Variants in OR2A42 observed in about 807,000 individuals in gnomAD.
OR2A42 encodes the protein olfactory receptor 2A1/2A42.
For synonymous variants in OR2A42, 5 were observed against 46.4 expected (o/e 0.11, Z 3.63); for missense variants, 3 against 104.1 (o/e 0.03, Z 4.23).
rs183974191 is a variant in OR2A42 at position 144,230,607 on chromosome 7, A to G, written c.*1304T>C. 6.6e-6 allele frequency: 1 copy of G among 150,698 alleles called. No homozygotes were observed. The highest frequency in any genetic ancestry group is 1.9e-4 in the East Asian group (1 of 5,190). 9.3% of individuals were successfully genotyped at this position (150,698 alleles called of 1,614,324 possible). A position where few individuals can be genotyped will look rare whatever the true frequency, so the allele number is the denominator to read the frequency against. On this transcript the variant is annotated 3_prime_UTR_variant, in exon 3 of 3. Transcript: ENST00000641810. Reference sequence around the variant, plus strand: ...TAGAGATGTCTTTGTTCTGGATCTTACCACCCAGAACCAAGTATAGTTCTA... The same window carrying G: ...TAGAGATGTCTTTGTTCTGGATCTTGCCACCCAGAACCAAGTATAGTTCTA...
rs2052341843 is a variant in OR2A42, at chr7:144,229,351, T to C, written c.*2560A>G. ...AAGCTTAAGCAGTTTAAGGGACTTC[T>C]CTGCAAAAAACACAGCTAGCAAATG... On this transcript the variant is annotated 3_prime_UTR_variant, in exon 3 of 3. Coordinates refer to ENST00000641810, the MANE Select transcript of OR2A42 (RefSeq NM_001001802.3). The C allele has an allele frequency of 7.8e-6, 1 of 127,420 alleles. No homozygotes were observed. The highest frequency in any genetic ancestry group is 2.8e-5 in the African/African-American group (1 of 35,396). The allele number at this position is 127,420 out of a possible 1,614,324, so 7.9% of individuals were successfully genotyped here.
intron 2 of OR2A42, among the ~76,000 whole-genome samples, chr7:144,236,382 T>C (rs2052429807): frequency 7.2e-6 from 1 of 139,648 alleles, no homozygotes; most frequent in Non-Finnish European, 1.5e-5. Flanking sequence ...TTTGGGAGGC[T>C]GAGGCAGGAG....
rs748402146 is a variant in OR2A42, at chr7:144,236,467, CAG to C, written c.-5+1963_-5+1964del. On this transcript the variant is annotated intron_variant, in intron 2 of 2. Coordinates refer to ENST00000641810, the MANE Select transcript of OR2A42 (RefSeq NM_001001802.3). ...CCCTGTCTCAAAAAAACAAGTAAAA[CAG>C]AAACAAAAACAGTAGCTGGGCGTGG... is the stretch of plus-strand genomic sequence containing the variant. Among the ~76,000 whole-genome samples, 95 of 144,386 alleles carry C rather than the reference CAG, an allele frequency of 6.6e-4. 1 individual carries two copies. The highest frequency in any genetic ancestry group is 3.6e-3 in the Middle Eastern group (1 of 278). The allele number at this position is 144,386 out of a possible 152,430, so 94.7% of individuals were successfully genotyped here.
At chr7:144,235,432 G>C (rs1224813090) in intron 2 of OR2A42, among the ~76,000 whole-genome samples, 1 of 151,558 alleles carries the variant, frequency 6.6e-6, no homozygotes, top group Non-Finnish European at 1.5e-5. Flanking sequence ...GATTCTTTAA[G>C]GACAGTTGCC....
chr7:144,233,715 A>ACTT (rs1277883045), intron 2 of OR2A42, among the ~76,000 whole-genome samples: 1 of 76,724 alleles, frequency 1.3e-5, no homozygotes, highest in East Asian at 3.2e-4. Flanking sequence ...TGTTCTTTTT[A>ACTT]CATGTAGAAT....
chr7:144,235,263 T>C (rs1194694622), intron 2 of OR2A42, among the ~76,000 whole-genome samples: 28 of 148,928 alleles, frequency 1.9e-4, no homozygotes. Flanking sequence ...GTCTACATCT[T>C]ATAAAAAACT....
intron 2 of OR2A42, among the ~76,000 whole-genome samples, chr7:144,237,721 T>C (rs1403347983): frequency 6.7e-6 from 1 of 150,276 alleles, no homozygotes; most frequent in Non-Finnish European, 1.5e-5. Context: ...ACTAACTAGA[T>C]ATCAATTTGA....
Position 144,228,522 on chromosome 7 carries a change from C to G in OR2A42, c.*3389G>C, listed in dbSNP as rs2128818791. 1 of 120,138 alleles carries G rather than the reference C, an allele frequency of 8.3e-6. No homozygotes were observed. The highest frequency in any genetic ancestry group is 3.0e-5 in the African/African-American group (1 of 32,926). The allele number at this position is 120,138 out of a possible 1,614,324, so 7.4% of individuals were successfully genotyped here. On this transcript the variant is annotated 3_prime_UTR_variant, in exon 3 of 3. Coordinates refer to ENST00000641810, the MANE Select transcript of OR2A42 (RefSeq NM_001001802.3). The stretch of plus-strand genomic sequence containing the variant: ...TTTTTCTAAAGCATTTTATGCAGTG[C>G]CAACCACATAGTAAGTGCTCAATAA...
rs1444330341 is a variant in OR2A42, at chr7:144,229,020, GCCT to G, written c.*2888_*2890del. The G allele has an allele frequency of 6.6e-6, 1 of 151,892 alleles. No individual in the cohort carries two copies. The highest frequency in any genetic ancestry group is 1.5e-5 in the Non-Finnish European group (1 of 68,374). The allele number at this position is 151,892 out of a possible 1,614,324, so 9.4% of individuals were successfully genotyped here. On this transcript the variant is annotated 3_prime_UTR_variant, in exon 3 of 3. Transcript: ENST00000641810. ...CAGCTATGCCCTCCAAGAGTGAGTGGCCTCCTGTGCCTCTAGGGGGGACATGGG... is the reference window on the plus strand; with the variant it reads ...CAGCTATGCCCTCCAAGAGTGAGTGGCCTGTGCCTCTAGGGGGGACATGGG...
chr7:144,235,004 C>T (rs1285051931), intron 2 of OR2A42, among the ~76,000 whole-genome samples: 22 of 146,390 alleles, frequency 1.5e-4, no homozygotes, highest in Middle Eastern at 7.0e-3. Flanking sequence ...CCCTGGAATG[C>T]GGTGGTGTGA....
Position 144,238,581 on chromosome 7 carries a change from G to A in OR2A42, c.-154C>T, listed in dbSNP as rs1219067207. On this transcript the variant is annotated 5_prime_UTR_variant, in exon 2 of 3. Transcript: ENST00000641810. ...AAGAGTGAAGCACCTGAAGGTTTCT[G>A]GGAGTTTCTGTGGGAGCTGCAGAAT... 6.6e-6 allele frequency: 1 copy of A among 150,384 alleles called. No individual in the cohort carries two copies. Among genetic ancestry groups the A allele is most frequent in the Non-Finnish European group, 1.5e-5 (1 of 67,290 alleles). The allele number at this position is 150,384 out of a possible 1,614,324, so 9.3% of individuals were successfully genotyped here.
chr7:144,231,727 TA>T lies in OR2A42; in HGVS notation c.*183del. On this transcript the variant is annotated 3_prime_UTR_variant, in exon 3 of 3. Transcript: ENST00000641810. Reference sequence around the variant, plus strand: ...TTCTCAACTCAATAAGTGCTTAAATTAAAAAATGTTAAGTATAACAAATGCA... The same window carrying T: ...TTCTCAACTCAATAAGTGCTTAAATTAAAAATGTTAAGTATAACAAATGCA... 3.1e-6 allele frequency: 1 copy of T among 321,376 alleles called. No homozygotes were observed. Among genetic ancestry groups the T allele is most frequent in the South Asian group, 3.0e-5 (1 of 33,476 alleles). The allele number at this position is 321,376 out of a possible 1,614,324, so 19.9% of individuals were successfully genotyped here. A position where few individuals can be genotyped will look rare whatever the true frequency, so the allele number is the denominator to read the frequency against.
intron 2 of OR2A42, among the ~76,000 whole-genome samples, chr7:144,235,142 A>C (rs1469659854): frequency 6.8e-6 from 1 of 146,774 alleles, no homozygotes; most frequent in East Asian, 1.9e-4. Context: ...TTTTTTGTAC[A>C]GACAATGTAT....
chr7:144,238,906 C>T (rs1240475864), intron 1 of OR2A42, 163 bp from the exon 2 acceptor site: 2 of 150,322 alleles, frequency 1.3e-5, no homozygotes, highest in African/African-American at 5.0e-5. Flanking sequence ...CAGCACTGCC[C>T]TTGTTCCCCA....
chr7:144,238,312 C>CTACA (rs1429384742), intron 2 of OR2A42, 120 bp downstream of exon 2: 1 of 140,944 alleles, frequency 7.1e-6, no homozygotes, highest in East Asian at 1.9e-4. Flanking sequence ...GCTTAATTCT[C>CTACA]TACATACATA....
At chr7:144,237,881 A>G (rs1312243465) in intron 2 of OR2A42, among the ~76,000 whole-genome samples, 35 of 147,914 alleles carry the variant, frequency 2.4e-4, no homozygotes, top group Admixed American at 2.3e-3. Context: ...TAGTTATATG[A>G]CCTTGAGCAC....
Position 144,232,311 on chromosome 7 carries a change from CAGA to C in OR2A42, c.530_532del (p.Phe177del), listed in dbSNP as rs771105218. 1.7e-4 allele frequency: 74 copies of C among 425,580 alleles called. 11 individuals are homozygous for C. Among genetic ancestry groups the C allele is most frequent in the Non-Finnish European group, 2.8e-4 (67 of 238,116 alleles). The allele number at this position is 425,580 out of a possible 1,614,324, so 26.4% of individuals were successfully genotyped here. ...CAGCCTGAGGACAGACAGGATTTCA[CAGA>C]AGAAGTGGTTGATTTCATGAGGCCC... On this transcript the variant is annotated inframe_deletion, in exon 3 of 3. Coordinates refer to ENST00000641810, the MANE Select transcript of OR2A42 (RefSeq NM_001001802.3).
At chr7:144,235,948 TAA>T (rs76873738) in intron 2 of OR2A42, among the ~76,000 whole-genome samples, 3 of 148,832 alleles carry the variant, frequency 2.0e-5, no homozygotes, top group South Asian at 2.1e-4. Flanking sequence ...CTAACGAACT[TAA>T]AAAAAAAATC....
chr7:144,235,709 A>T (rs1339492858), intron 2 of OR2A42, among the ~76,000 whole-genome samples: 120 of 151,842 alleles, frequency 7.9e-4, no homozygotes, highest in Non-Finnish European at 1.4e-3. Flanking sequence ...TTCATTCTAC[A>T]TGATACAAAG....
Sources: gnomAD v4.1 joint callset for allele counts (sites outside exome capture counted in the v4.1 genomes callset) on GRCh38, gnomAD v4.1.1 for gene constraint, MANE v1.5 for transcripts, NCBI Gene and HGNC (gene_info 2026-07-23, HGNC 2026-07-21) for gene names.